Variants in EFCAB7 observed in about 807,000 individuals in gnomAD.
EFCAB7 encodes EF-hand calcium-binding domain-containing protein 7.
Under a neutral mutation model 77.1 loss-of-function variants are expected in EFCAB7, and 66 were observed. That is an observed-to-expected ratio of 0.86 (90% CI 0.70 to 1.05). EFCAB7 has a LOEUF of 1.05. Among genes scored for constraint, EFCAB7 ranks in the 50% least tolerant of loss-of-function variants. The pLI is 0.00. For missense variants in EFCAB7, 638 were observed against 730.5 expected (o/e 0.87, Z 1.46); for synonymous variants, 225 against 243.3 (o/e 0.92, Z 0.70).
rs569192018 is a variant in EFCAB7, at chr1:63,567,658, A to C, written c.1498-652A>C. Among the ~76,000 whole-genome samples the C allele has an allele frequency of 4.6e-5, 7 of 152,242 alleles. No individual in the cohort carries two copies. In the South Asian group the frequency reaches 1.5e-3, roughly 32 times the overall value. On this transcript the variant is annotated intron_variant, in intron 11 of 13. Transcript: ENST00000371088. ...TAATCTTCCCAGTGGAGAGAACACT[A>C]CGTATGAAGGGCTTCATTTGCTCTA...
the EFCAB7 span, among the ~76,000 whole-genome samples, chr1:63,583,870 G>A: frequency 1.4e-5 from 2 of 144,480 alleles, no homozygotes; most frequent in Non-Finnish European, 3.0e-5. Context: ...ACTGTGTCCA[G>A]ATGTTGTGCA....
At position 63,557,260 on chromosome 1, in the gene EFCAB7, C is replaced by G; in HGVS notation, c.1348+13C>G. The G allele has an allele frequency of 6.3e-7, 1 of 1,587,840 alleles. No homozygotes were observed. The highest frequency in any genetic ancestry group is 1.2e-5 in the South Asian group (1 of 85,228). The stretch of plus-strand genomic sequence containing the variant: ...GCTGTCTGCAGAGGTAAGCACTTTT[C>G]TTTTCCTTAACAGATGTATAAAAAT... On this transcript the variant is annotated intron_variant, in intron 10 of 13. Transcript: ENST00000371088.
intron 5 of EFCAB7, 142 bp downstream of exon 5, chr1:63,533,791 G>C (rs1162488495): frequency 1.5e-6 from 1 of 678,922 alleles, no homozygotes; most frequent in African/African-American, 1.8e-5. Flanking sequence ...GACTCTTTCA[G>C]CTGTAAAAAT....
intron 6 of EFCAB7, among the ~76,000 whole-genome samples, chr1:63,542,144 GTC>G (rs1321183654): frequency 2.0e-5 from 3 of 151,796 alleles, no homozygotes; most frequent in Non-Finnish European, 2.9e-5. Context: ...TCTACTTTCT[GTC>G]TCTCTGAATT....
At chr1:63,547,454 A>T (rs1423909993) in intron 7 of EFCAB7, 2 of 152,214 alleles carry the variant, frequency 1.3e-5, no homozygotes, top group African/African-American at 2.4e-5. Context: ...TCAGAGGGAA[A>T]GGGGGTTAGT....
At position 63,531,971 on chromosome 1, in the gene EFCAB7, A is replaced by G; in HGVS notation, c.339A>G (p.Gln113=). 5 of 1,612,506 alleles carry G rather than the reference A, an allele frequency of 3.1e-6. No individual in the cohort carries two copies. The highest frequency in any genetic ancestry group is 4.2e-6 in the Non-Finnish European group (5 of 1,178,904). ...CAGAACTACTAAAATCATTTAAGCAATTAGATGTAAATGATGATGGCTGTA... is the reference window on the plus strand; with the variant it reads ...CAGAACTACTAAAATCATTTAAGCAGTTAGATGTAAATGATGATGGCTGTA... ...SKAELLKSFK[Q]LDVNDDGCIL... The change falls in exon 3 of 14, where the codon CAA becomes CAG. Residue 113 remains glutamine (Q), a synonymous_variant. Transcript: ENST00000371088.
At chr1:63,548,830 A>C (rs1646930498) in intron 7 of EFCAB7, 1 of 152,826 alleles carries the variant, frequency 6.5e-6, no homozygotes, top group Non-Finnish European at 1.5e-5. Flanking sequence ...GCTCCATTAG[A>C]GGGTTTTGAG....
chr1:63,571,354 C>T (rs985515381), intron 13 of EFCAB7, among the ~76,000 whole-genome samples: 1 of 152,036 alleles, frequency 6.6e-6, no homozygotes, highest in Non-Finnish European at 1.5e-5. Flanking sequence ...TTTCTATGTT[C>T]CAGTCTCTCT....
downstream of EFCAB7, among the ~76,000 whole-genome samples, chr1:63,576,098 C>CAAA (rs1647404571): frequency 6.6e-6 from 1 of 152,100 alleles, no homozygotes; most frequent in Non-Finnish European, 1.5e-5. Flanking sequence ...AAAAATAAAG[C>CAAA]AAATAGTGGA....
intron 6 of EFCAB7, 151 bp downstream of exon 6, chr1:63,534,367 T>TA: frequency 1.8e-6 from 1 of 563,934 alleles, no homozygotes; most frequent in Non-Finnish European, 2.9e-6. Flanking sequence ...GCTAGTGTAA[T>TA]ACTTTTAAAT....
chr1:63,547,851 C>T lies in EFCAB7; in HGVS notation c.946+1794C>T, dbSNP rs150447108. On this transcript the variant is annotated intron_variant, in intron 7 of 13. Coordinates refer to ENST00000371088, the MANE Select transcript of EFCAB7 (RefSeq NM_032437.4). ...TTCAGTAAACTAGCCTGGACCTGTTCTCTTGGCACAATAGGATCTCCTGAG... is the reference window on the plus strand; with the variant it reads ...TTCAGTAAACTAGCCTGGACCTGTTTTCTTGGCACAATAGGATCTCCTGAG... 2.0e-5 allele frequency: 3 copies of T among 152,316 alleles called. No individual in the cohort carries two copies. In the East Asian group the frequency reaches 5.8e-4, roughly 29 times the overall value. 9.4% of individuals were successfully genotyped at this position (152,316 alleles called of 1,614,324 possible).
chr1:63,568,444 A>G lies in EFCAB7; in HGVS notation c.1632A>G (p.Val544=), dbSNP rs1647194580. The G allele has an allele frequency of 3.8e-6, 6 of 1,592,692 alleles. No individual in the cohort carries two copies. In the South Asian group the frequency reaches 6.9e-5, roughly 18 times the overall value. ...KSVLSNGDAK[V]MDGYENIIVH... is the part of the protein sequence containing the mutation. Reference sequence around the variant, plus strand: ...TTCTTAGCAACGGTGATGCCAAAGTAATGGATGGCTATGAAAATATAATCG... The same window carrying G: ...TTCTTAGCAACGGTGATGCCAAAGTGATGGATGGCTATGAAAATATAATCG... Residue 544 remains valine (V), a synonymous_variant, in exon 12 of 14, where the codon GTA becomes GTG. Coordinates refer to ENST00000371088, the MANE Select transcript of EFCAB7 (RefSeq NM_032437.4).
intron 9 of EFCAB7, among the ~76,000 whole-genome samples, chr1:63,555,791 A>G (rs1232328526): frequency 1.3e-5 from 2 of 151,920 alleles, no homozygotes; most frequent in Non-Finnish European, 2.9e-5. Context: ...AGGCTGGAGT[A>G]CACTGTCACA....
downstream of EFCAB7, among the ~76,000 whole-genome samples, chr1:63,576,352 C>T (rs971948526): frequency 1.4e-4 from 21 of 151,410 alleles, no homozygotes; most frequent in East Asian, 2.0e-4. Flanking sequence ...TGCTGGCGGA[C>T]GCCTGTAATC....
At chr1:63,555,950 G>A (rs1319561431) in intron 9 of EFCAB7, among the ~76,000 whole-genome samples, 1 of 151,952 alleles carries the variant, frequency 6.6e-6, no homozygotes, top group East Asian at 1.9e-4. Context: ...GTTGCCCAGG[G>A]TGGTCTCAAA....
intron 6 of EFCAB7, among the ~76,000 whole-genome samples, chr1:63,536,140 GA>G (rs1646760156): frequency 1.3e-5 from 2 of 152,112 alleles, no homozygotes; most frequent in South Asian, 4.1e-4. Flanking sequence ...ATGATTAAAA[GA>G]AAAGGGCATA....
At chr1:63,579,735 C>T in the EFCAB7 span, among the ~76,000 whole-genome samples, 3 of 152,270 alleles carry the variant, frequency 2.0e-5, no homozygotes, top group South Asian at 6.2e-4. Flanking sequence ...TTTATTTTAG[C>T]CATTATAATA....
chr1:63,536,520 A>G (rs1646764983), intron 6 of EFCAB7, among the ~76,000 whole-genome samples: 1 of 152,076 alleles, frequency 6.6e-6, no homozygotes, highest in South Asian at 2.1e-4. Flanking sequence ...AGCTGGCATT[A>G]CAGGAGCATG....
chr1:63,526,237 C>G (rs931218256), intron 2 of EFCAB7, among the ~76,000 whole-genome samples: 1 of 151,778 alleles, frequency 6.6e-6, no homozygotes, highest in African/African-American at 2.4e-5. Context: ...TTTGTTTTGT[C>G]TTTTATTGCT....
Sources: gnomAD v4.1 joint callset for allele counts (sites outside exome capture counted in the v4.1 genomes callset) on GRCh38, gnomAD v4.1.1 for gene constraint, MANE v1.5 for transcripts, NCBI Gene and HGNC (gene_info 2026-07-23, HGNC 2026-07-21) for gene names.